Variants in TTLL11 observed in about 807,000 individuals in gnomAD.
The protein encoded by TTLL11 is tubulin tyrosine ligase like 11, also known as tubulin polyglutamylase TTLL11.
TTLL11 carries 42 observed loss-of-function variants against 51.7 expected under a neutral mutation model. The observed-to-expected ratio is 0.81, with a 90% confidence interval of 0.64 to 1.05. The LOEUF (loss-of-function observed/expected upper bound fraction) is 1.05, where lower values mean the gene tolerates loss of function less well. Among genes scored for constraint, TTLL11 ranks in the 50% least tolerant of loss-of-function variants. The pLI is 0.00. For missense variants in TTLL11, 799 were observed against 940.4 expected (o/e 0.85, Z 1.97); for synonymous variants, 381 against 383.5 (o/e 0.99, Z 0.08).
intron 8 of TTLL11, among the ~76,000 whole-genome samples, chr9:121,831,716 G>A (rs1026303252): frequency 4.0e-4 from 55 of 135,982 alleles, no homozygotes; most frequent in African/African-American, 1.3e-3. Context: ...AAAAAAAAAA[G>A]AATGGTTTTT....
At chr9:121,884,086 A>G (rs1280064653) in intron 6 of TTLL11, among the ~76,000 whole-genome samples, 2 of 152,218 alleles carry the variant, frequency 1.3e-5, no homozygotes, top group African/African-American at 2.4e-5. Flanking sequence ...ACGATACAAG[A>G]TGGCTTAAAA....
chr9:121,891,290 A>G (rs1310384104), intron 6 of TTLL11, among the ~76,000 whole-genome samples: 1 of 152,148 alleles, frequency 6.6e-6, no homozygotes, highest in East Asian at 1.9e-4. Flanking sequence ...CACTGCTTCA[A>G]CCTGAAACAA....
intron 6 of TTLL11, among the ~76,000 whole-genome samples, chr9:121,878,482 G>A (rs1838653232): frequency 6.6e-6 from 1 of 152,202 alleles, no homozygotes; most frequent in African/African-American, 2.4e-5. Context: ...CAGCAGACTA[G>A]GTCTCTCCCT....
At chr9:121,872,329 T>C (rs1838386708) in intron 6 of TTLL11, among the ~76,000 whole-genome samples, 1 of 152,208 alleles carries the variant, frequency 6.6e-6, no homozygotes, top group Non-Finnish European at 1.5e-5. Flanking sequence ...CCTGCTTCCT[T>C]GTTTGCTTTG....
At chr9:121,957,733 TC>T (rs775275315) in intron 6 of TTLL11, among the ~76,000 whole-genome samples, 105 of 151,946 alleles carry the variant, frequency 6.9e-4, no homozygotes, top group Non-Finnish European at 1.4e-3. Flanking sequence ...ATGGCTGGAG[TC>T]CATCCTCTCA....
intron 1 of TTLL11, among the ~76,000 whole-genome samples, chr9:122,069,162 T>A (rs1405732181): frequency 6.6e-6 from 1 of 152,194 alleles, no homozygotes; most frequent in South Asian, 2.1e-4. Flanking sequence ...AACCCCTTTG[T>A]GTTCAACAAA....
chr9:122,037,687 C>T (rs1490523771), intron 2 of TTLL11, among the ~76,000 whole-genome samples: 1 of 152,180 alleles, frequency 6.6e-6, no homozygotes, highest in African/African-American at 2.4e-5. Context: ...CAATGTGGAT[C>T]TTGTCCTTTT....
chr9:122,039,451 C>A, intron 1 of TTLL11, 83 bp from the exon 2 acceptor site: 2 of 1,068,386 alleles, frequency 1.9e-6, no homozygotes, highest in East Asian at 2.4e-5. Flanking sequence ...AAATTCCTGG[C>A]ACCCTGGTGT....
At chr9:122,034,847 G>T (rs1006114052) in intron 2 of TTLL11, among the ~76,000 whole-genome samples, 3 of 152,120 alleles carry the variant, frequency 2.0e-5, no homozygotes, top group African/African-American at 7.2e-5. Context: ...CTTTCCCTAA[G>T]CAGCTGCAGC....
chr9:121,853,793 GGA>G lies in TTLL11; in HGVS notation c.1840+6542_1840+6543del, dbSNP rs1837737381. On this transcript the variant is annotated intron_variant, in intron 8 of 8. Coordinates refer to ENST00000321582, the MANE Select transcript of TTLL11 (RefSeq NM_001139442.2). This position sits in a 1 kb window ranked among gnomAD's most constrained non-coding sequence, Gnocchi z 5.6. ...GCCTGGCACTCTGTCAGCCACCAAGGGAGAGTCTGTTGCGGCCACGTCCTGAC... is the reference window on the plus strand; with the variant it reads ...GCCTGGCACTCTGTCAGCCACCAAGGGAGTCTGTTGCGGCCACGTCCTGAC... Among the ~76,000 whole-genome samples, 1 of 152,204 alleles carries G rather than the reference GGA, an allele frequency of 6.6e-6. No individual in the cohort carries two copies. The highest frequency in any genetic ancestry group is 2.4e-5 in the African/African-American group (1 of 41,444).
chr9:121,957,656 G>A (rs1265732174), intron 6 of TTLL11, among the ~76,000 whole-genome samples: 3 of 152,134 alleles, frequency 2.0e-5, no homozygotes, highest in Non-Finnish European at 4.4e-5. Context: ...TGCTCACATG[G>A]AGCCCATGCC....
chr9:122,067,272 T>C (rs1386825203), intron 1 of TTLL11, among the ~76,000 whole-genome samples: 2 of 152,176 alleles, frequency 1.3e-5, no homozygotes, highest in Admixed American at 6.5e-5. Flanking sequence ...CACAGAAAAG[T>C]CCTCAAATGT....
intron 1 of TTLL11, among the ~76,000 whole-genome samples, chr9:122,050,807 C>T (rs1369994224): frequency 6.6e-6 from 1 of 152,166 alleles, no homozygotes; most frequent in Non-Finnish European, 1.5e-5. Context: ...TCGGAGTCAC[C>T]TGCCATCAGC....
rs1469338203 is a variant in TTLL11, at chr9:121,822,095, G to GC, written c.*491dup. On this transcript the variant is annotated 3_prime_UTR_variant, in exon 9 of 9. Coordinates refer to ENST00000321582, the MANE Select transcript of TTLL11 (RefSeq NM_001139442.2). This position sits in a 1 kb window ranked among gnomAD's most constrained non-coding sequence, Gnocchi z 5.8. The stretch of plus-strand genomic sequence containing the variant: ...AGCACATGACTGGGATGGGAGATTC[G>GC]CAGATGCCTACTTGATATTTCCACT... 6.6e-6 allele frequency: 1 copy of GC among 152,084 alleles called. No individual in the cohort carries two copies. Among genetic ancestry groups the GC allele is most frequent in the African/African-American group, 2.4e-5 (1 of 41,324 alleles). 9.4% of individuals were successfully genotyped at this position (152,084 alleles called of 1,614,324 possible).
At chr9:122,043,901 A>C (rs1844920762) in intron 1 of TTLL11, among the ~76,000 whole-genome samples, 1 of 152,058 alleles carries the variant, frequency 6.6e-6, no homozygotes, top group Admixed American at 6.6e-5. Flanking sequence ...GTACATGTGC[A>C]CAACGTGCAG....
intron 3 of TTLL11, among the ~76,000 whole-genome samples, chr9:122,010,024 C>T (rs550580963): frequency 6.6e-5 from 10 of 152,232 alleles, no homozygotes; most frequent in African/African-American, 1.4e-4. Context: ...CTGTATCCTA[C>T]GTGGTCATTA....
At chr9:121,987,751 T>G (rs1432866442) in intron 4 of TTLL11, among the ~76,000 whole-genome samples, 1 of 152,126 alleles carries the variant, frequency 6.6e-6, no homozygotes, top group African/African-American at 2.4e-5. Flanking sequence ...CACTGCTTCT[T>G]GGCCTCCTTT....
intron 3 of TTLL11, among the ~76,000 whole-genome samples, chr9:122,015,860 G>A (rs1045629434): frequency 1.0e-4 from 15 of 150,694 alleles, no homozygotes; most frequent in Admixed American, 3.3e-4. Flanking sequence ...ATATTAATTT[G>A]CAACTCAATT....
chr9:122,023,656 G>A (rs1844240740), intron 3 of TTLL11, among the ~76,000 whole-genome samples: 2 of 151,288 alleles, frequency 1.3e-5, no homozygotes, highest in African/African-American at 4.9e-5. Flanking sequence ...ATCAACCAAT[G>A]TAACTCAACC....
Sources: gnomAD v4.1 joint callset for allele counts (sites outside exome capture counted in the v4.1 genomes callset) on GRCh38, gnomAD v4.1.1 for gene constraint, Gnocchi (gnomAD v3.1) non-coding constraint, MANE v1.5 for transcripts, NCBI Gene and HGNC (gene_info 2026-07-23, HGNC 2026-07-21) for gene names.